The following PIGN variants were observed in gnomAD, a reference collection of about 807,000 sequenced individuals.
PIGN encodes the protein GPI ethanolamine phosphate transferase 1.
In PIGN, 117 loss-of-function variants were observed where a neutral mutation model predicts 125.4. That is an observed-to-expected ratio of 0.93 (90% CI 0.80 to 1.09). PIGN has a LOEUF of 1.09. PIGN is among the 50% of genes least tolerant of loss of function. PIGN has a pLI of 0.00. For missense variants in PIGN, 1,075 were observed against 1,094.9 expected (o/e 0.98, Z 0.26); for synonymous variants, 392 against 377.8 (o/e 1.04, Z -0.44).
chr18:62,066,453 G>T (rs905706877), intron 30 of PIGN, among the ~76,000 whole-genome samples: 3 of 152,224 alleles, frequency 2.0e-5, no homozygotes, highest in African/African-American at 7.2e-5. Flanking sequence ...TAATGTAGAA[G>T]ATAATGTAAA....
chr18:62,052,133 A>G (rs1230597059), intron 30 of PIGN: 1 of 151,946 alleles, frequency 6.6e-6, no homozygotes, highest in Non-Finnish European at 1.5e-5. Flanking sequence ...TATGTGGTCA[A>G]TTTTGGAATA....
rs1315748925 is a variant in PIGN, at chr18:62,154,535, T to C, written c.549+10A>G. ...TGCTTTTTGTATATTAACCACTCAA[T>C]AGCACAAACCTTAACATTATCAAAA... On this transcript the variant is annotated intron_variant, in intron 7 of 30. Coordinates refer to ENST00000640252, the MANE Select transcript of PIGN (RefSeq NM_176787.5). 7 of 1,279,718 alleles carry C rather than the reference T, an allele frequency of 5.5e-6. No individual in the cohort carries two copies. Among genetic ancestry groups the C allele is most frequent in the Non-Finnish European group, 6.8e-6 (6 of 879,112 alleles). The allele number at this position is 1,279,718 out of a possible 1,614,324, so 79.3% of individuals were successfully genotyped here. A position where few individuals can be genotyped will look rare whatever the true frequency, so the allele number is the denominator to read the frequency against.
chr18:62,049,054 A>G (rs1407109368), intron 30 of PIGN, among the ~76,000 whole-genome samples: 1 of 151,352 alleles, frequency 6.6e-6, no homozygotes, highest in Admixed American at 6.6e-5. Flanking sequence ...ATGGCTGCAT[A>G]GTATTCCATG....
chr18:62,102,691 T>C, intron 21 of PIGN, 103 bp downstream of exon 21: 1 of 556,674 alleles, frequency 1.8e-6, no homozygotes, highest in East Asian at 3.3e-5. Flanking sequence ...AGATACTAAG[T>C]AGCATAAAGG....
intron 7 of PIGN, among the ~76,000 whole-genome samples, chr18:62,152,859 T>TAC (rs148810719): frequency 0.57 from 79,788 of 139,228 alleles, 22,985 homozygotes; most frequent in East Asian, 0.68. Flanking sequence ...TGCATATATA[T>TAC]ATATATATAT....
chr18:62,108,709 G>A (rs921501802), intron 17 of PIGN, among the ~76,000 whole-genome samples: 5 of 151,946 alleles, frequency 3.3e-5, no homozygotes, highest in African/African-American at 1.2e-4. Context: ...TCATGCCTCA[G>A]CCTCCTGAGT....
At chr18:62,029,945 A>T (rs957216844) in intron 23 of PIGN, among the ~76,000 whole-genome samples, 1 of 152,164 alleles carries the variant, frequency 6.6e-6, no homozygotes, top group African/African-American at 2.4e-5. Flanking sequence ...CTCGCCACAC[A>T]AGCTCTCAAA....
At chr18:62,124,409 T>C (rs17642569) in intron 14 of PIGN, among the ~76,000 whole-genome samples, 39,266 of 152,042 alleles carry the variant, frequency 0.26, 5,261 homozygotes, top group Middle Eastern at 0.38. Context: ...CAAAAAAAGA[T>C]ACCAGATTAG....
In PIGN at chr18:62,113,247, A is replaced by G; in HGVS notation, c.1321T>C (p.Phe441Leu). The change falls in exon 16 of 31, where the codon TTC (phenylalanine) becomes CTC (leucine). Residue 441 changes from phenylalanine to leucine, a missense_variant. Phe to Leu is a conservative substitution (Grantham distance 22, BLOSUM62 0). Around this residue, in one of 3 missense-constraint regions of PIGN, gnomAD observed 915 missense variants for 908.7 expected, o/e 1.01. Transcript: ENST00000640252. ...GLSYYHTYDR[F>L]FLGVNVVIGF... ...ATAACAACATTGACGCCCAAAAAGA[A>G]TCTGTCATATGTGTGATAATAGGAC... 6.2e-7 allele frequency: 1 copy of G among 1,613,090 alleles called. No homozygotes were observed. Among genetic ancestry groups the G allele is most frequent in the East Asian group, 2.2e-5 (1 of 44,744 alleles).
chr18:62,058,044 T>C (rs1370692727), intron 30 of PIGN, among the ~76,000 whole-genome samples: 1 of 144,312 alleles, frequency 6.9e-6, no homozygotes. Context: ...TGTCTTGCTA[T>C]CACTCCTGAT....
At chr18:62,050,418 C>T (rs572930019) in intron 30 of PIGN, among the ~76,000 whole-genome samples, 289 of 152,284 alleles carry the variant, frequency 1.9e-3, no homozygotes, top group Non-Finnish European at 3.0e-3. Context: ...TCCTTCATGT[C>T]CCATGTAAGT....
intron 30 of PIGN, chr18:62,052,969 TA>T (rs1183865150): frequency 2.6e-6 from 1 of 384,816 alleles, no homozygotes; most frequent in Non-Finnish European, 4.6e-6. Flanking sequence ...TAAACAGAAA[TA>T]AAACAATAAA....
At chr18:62,033,930 C>A (rs1319713354) in intron 23 of PIGN, among the ~76,000 whole-genome samples, 1 of 152,146 alleles carries the variant, frequency 6.6e-6, no homozygotes, top group Non-Finnish European at 1.5e-5. Flanking sequence ...GCAGTATTAT[C>A]ACAGTATTAC....
intron 14 of PIGN, among the ~76,000 whole-genome samples, chr18:62,132,809 G>A (rs2035789050): frequency 6.6e-6 from 1 of 152,066 alleles, no homozygotes; most frequent in Non-Finnish European, 1.5e-5. Flanking sequence ...TTTAATCAAT[G>A]TAGAATTTAG....
At chr18:62,129,678 T>G in intron 14 of PIGN, among the ~76,000 whole-genome samples, 1 of 62,274 alleles carries the variant, frequency 1.6e-5, no homozygotes, top group East Asian at 4.6e-4. Flanking sequence ...GGGCAGGCAC[T>G]ACGTCTATCT....
chr18:62,142,654 G>C (rs2147209947), intron 11 of PIGN, among the ~76,000 whole-genome samples: 1 of 152,230 alleles, frequency 6.6e-6, no homozygotes, highest in African/African-American at 2.4e-5. Flanking sequence ...GACCTGGAAG[G>C]CAAGATACTC....
At chr18:62,054,317 T>G (rs1314805595) in intron 30 of PIGN, among the ~76,000 whole-genome samples, 1 of 151,568 alleles carries the variant, frequency 6.6e-6, no homozygotes, top group African/African-American at 2.4e-5. Context: ...GTTCCTAGTC[T>G]TAATACAAAA....
rs76370170 is a variant in PIGN, at chr18:62,182,781, C to T, written c.-236+4063G>A. ...TCACTGTCTTTAAAGTCAAAAGACA[C>T]GTTTGCAACAACACGGATGTTCCTG... is the stretch of plus-strand genomic sequence containing the variant. On this transcript the variant is annotated intron_variant, in intron 1 of 30. Coordinates refer to ENST00000640252, the MANE Select transcript of PIGN (RefSeq NM_176787.5). 0.017 allele frequency among the ~76,000 whole-genome samples: 2,563 copies of T among 152,224 alleles called. 149 individuals carry two copies. In the East Asian group the frequency reaches 0.18, roughly 11 times the overall value.
rs71160811 is a variant in PIGN at position 62,062,882 on chromosome 18, C to CTTTTTTTTTTTTTTT, written c.2672+9776_2672+9790dup. Among the ~76,000 whole-genome samples, 32 of 21,066 alleles carry CTTTTTTTTTTTTTTT rather than the reference C, an allele frequency of 1.5e-3. 3 individuals carry two copies. The highest frequency in any genetic ancestry group is 1.6e-3 in the Non-Finnish European group (20 of 12,682). 13.8% of individuals were successfully genotyped at this position (21,066 alleles called of 152,430 possible). On this transcript the variant is annotated intron_variant, in intron 30 of 30. Transcript: ENST00000640252. Reference sequence around the variant, plus strand: ...ATTTGTTTTATGCTTTTGTATTCTGCTTTTTTTTTTTTTTTTTTTTTTTTT... The same window carrying CTTTTTTTTTTTTTTT: ...ATTTGTTTTATGCTTTTGTATTCTGCTTTTTTTTTTTTTTTTTTTTTTTTTTTTTTTTTTTTTTTT...
Sources: allele counts gnomAD v4.1 joint callset (sites outside exome capture counted in the v4.1 genomes callset), GRCh38; gene constraint gnomAD v4.1.1; regional missense constraint gnomAD v4.1.1; transcripts MANE v1.5; gene names NCBI Gene and HGNC (gene_info 2026-07-23, HGNC 2026-07-21).